Variants in TTLL9 observed in about 807,000 individuals in gnomAD.
TTLL9 encodes the protein probable tubulin polyglutamylase TTLL9.
A neutral mutation model predicts 65.6 loss-of-function variants in TTLL9; 47 were observed. The observed-to-expected ratio is 0.72, with a 90% CI of 0.57 to 0.91. The LOEUF is 0.91. Among genes scored for constraint, TTLL9 ranks in the 40% least tolerant of loss-of-function variants. The probability of loss-of-function intolerance (pLI) is 0.00; values close to 1 mark genes in which losing one functional copy is unlikely to be tolerated. For synonymous variants in TTLL9, 179 were observed against 204.8 expected (o/e 0.87, Z 1.07); for missense variants, 537 against 568.8 (o/e 0.94, Z 0.57).
intron 4 of TTLL9, among the ~76,000 whole-genome samples, chr20:31,906,104 G>A (rs1465723785): frequency 6.6e-6 from 1 of 150,864 alleles, no homozygotes; most frequent in East Asian, 1.9e-4. Flanking sequence ...AGGCCCAACT[G>A]CTTGGCCATT....
chr20:31,873,872 G>T (rs1450438199), intron 2 of TTLL9, among the ~76,000 whole-genome samples: 1 of 141,870 alleles, frequency 7.0e-6, no homozygotes, highest in Non-Finnish European at 1.6e-5. Flanking sequence ...AAGAAAGAAA[G>T]AAAGAAAGAA....
At chr20:31,873,954 C>A (rs1350315142) in intron 2 of TTLL9, among the ~76,000 whole-genome samples, 1 of 152,164 alleles carries the variant, frequency 6.6e-6, no homozygotes, top group Non-Finnish European at 1.5e-5. Context: ...AGCAGCTCTG[C>A]GATCCTAGGC....
chr20:31,883,769 A>AG (rs2063151099), intron 2 of TTLL9, among the ~76,000 whole-genome samples: 1 of 152,084 alleles, frequency 6.6e-6, no homozygotes, highest in East Asian at 1.9e-4. Flanking sequence ...TCAGAAAACC[A>AG]GGGAATAGTA....
At chr20:31,920,007 CA>C in intron 7 of TTLL9, 75 bp downstream of exon 7, 1 of 1,329,974 alleles carries the variant, frequency 7.5e-7, no homozygotes, top group Non-Finnish European at 1.0e-6. Context: ...CTCCTTCCTG[CA>C]ATCAAAGCTC....
chr20:31,874,777 T>C (rs2063014530), intron 2 of TTLL9, among the ~76,000 whole-genome samples: 2 of 152,034 alleles, frequency 1.3e-5, no homozygotes, highest in Admixed American at 1.3e-4. Context: ...ACAAGTGTCA[T>C]TATTAGTGAA....
chr20:31,943,057 T>C lies in TTLL9; in HGVS notation c.*36T>C. On this transcript the variant is annotated 3_prime_UTR_variant, in exon 15 of 15. Transcript: ENST00000535842. The stretch of plus-strand genomic sequence containing the variant: ...CCAGGAGGAAATCAGCCTTAGCAGG[T>C]GCCACCCAGGCCTCCCCCCCACTCC... The C allele has an allele frequency of 6.3e-7, 1 of 1,599,346 alleles. No homozygotes were observed. The highest frequency in any genetic ancestry group is 2.2e-5 in the East Asian group (1 of 44,804).
intron 6 of TTLL9, among the ~76,000 whole-genome samples, chr20:31,912,478 C>T (rs2063670091): frequency 6.6e-6 from 1 of 152,130 alleles, no homozygotes; most frequent in African/African-American, 2.4e-5. Flanking sequence ...CCACCCACCC[C>T]AGAGTATGAT....
At chr20:31,914,132 G>A (rs893940371) in intron 6 of TTLL9, among the ~76,000 whole-genome samples, 2 of 152,242 alleles carry the variant, frequency 1.3e-5, no homozygotes, top group Non-Finnish European at 2.9e-5. Context: ...AAGGCAGGAA[G>A]AGCCACATTT....
At chr20:31,879,119 G>A (rs569640751) in intron 2 of TTLL9, among the ~76,000 whole-genome samples, 5 of 152,188 alleles carry the variant, frequency 3.3e-5, no homozygotes, top group African/African-American at 1.2e-4. Flanking sequence ...TCAGGAGTTC[G>A]AGACCAGCCT....
rs753430232 is a variant in TTLL9, at chr20:31,922,942, T to G, written c.574-21T>G. 12 of 1,481,486 alleles carry G rather than the reference T, an allele frequency of 8.1e-6. No individual in the cohort carries two copies. In the Admixed American group the frequency reaches 1.9e-4, roughly 23 times the overall value. The allele number at this position is 1,481,486 out of a possible 1,614,324, so 91.8% of individuals were successfully genotyped here. A position where few individuals can be genotyped will look rare whatever the true frequency, so the allele number is the denominator to read the frequency against. On this transcript the variant is annotated intron_variant, in intron 7 of 14. Coordinates refer to ENST00000535842, the MANE Select transcript of TTLL9 (RefSeq NM_001008409.5). ...AATGTTCCATAAATAAATGTTCAATTATTATTATTATTACAACTAGGACAC... is the reference window on the plus strand; with the variant it reads ...AATGTTCCATAAATAAATGTTCAATGATTATTATTATTACAACTAGGACAC...
intron 5 of TTLL9, among the ~76,000 whole-genome samples, chr20:31,909,152 T>G (rs1432216396): frequency 2.3e-5 from 3 of 130,902 alleles, no homozygotes; most frequent in Non-Finnish European, 3.2e-5. Flanking sequence ...TTTTTTTTTT[T>G]GAGACAGAGT....
chr20:31,903,797 G>A (rs2063511614), intron 4 of TTLL9, among the ~76,000 whole-genome samples: 1 of 152,202 alleles, frequency 6.6e-6, no homozygotes, highest in Admixed American at 6.5e-5. Flanking sequence ...AGCAGCTTAT[G>A]TAATCACAGT....
intron 11 of TTLL9, chr20:31,934,192 A>G (rs1035800778): frequency 8.1e-6 from 4 of 492,390 alleles, no homozygotes; most frequent in Admixed American, 2.8e-5. Flanking sequence ...CTCTCTGTCT[A>G]TGTAAAATAA....
At chr20:31,933,739 T>A in intron 10 of TTLL9, 61 bp from the exon 11 acceptor site, 10 of 1,549,202 alleles carry the variant, frequency 6.5e-6, no homozygotes, top group Non-Finnish European at 8.9e-6. Flanking sequence ...TCCTGGGGAC[T>A]TCGTGGGGCA....
In TTLL9 at chr20:31,909,928, T is replaced by C; in HGVS notation, c.504+6T>C. ...TCACCTGGATCATGAAGCCTGTGAG[T>C]GCCCAGTGCCAGGGGCTGGGTGGGA... On this transcript the variant is annotated splice_donor_region_variant and intron_variant, in intron 6 of 14. Transcript: ENST00000535842. 9.7e-7 allele frequency: 1 copy of C among 1,028,154 alleles called. No individual in the cohort carries two copies. The allele number at this position is 1,028,154 out of a possible 1,614,324, so 63.7% of individuals were successfully genotyped here. A position where few individuals can be genotyped will look rare whatever the true frequency, so the allele number is the denominator to read the frequency against.
chr20:31,905,578 T>A (rs1280347191), intron 4 of TTLL9, among the ~76,000 whole-genome samples: 2 of 152,172 alleles, frequency 1.3e-5, no homozygotes, highest in Non-Finnish European at 2.9e-5. Flanking sequence ...TCACCACATC[T>A]GTGCACGGTG....
chr20:31,871,530 A>G (rs1269978445), intron 2 of TTLL9, among the ~76,000 whole-genome samples: 1 of 152,154 alleles, frequency 6.6e-6, no homozygotes, highest in Non-Finnish European at 1.5e-5. Flanking sequence ...CTCAATCTAT[A>G]GTAGTAGGTG....
chr20:31,927,363 C>T (rs1242445880), intron 10 of TTLL9, among the ~76,000 whole-genome samples: 1 of 151,520 alleles, frequency 6.6e-6, no homozygotes, highest in Non-Finnish European at 1.5e-5. Context: ...TGCCTGTAAT[C>T]CTAGCTACTA....
At chr20:31,873,680 G>GAA (rs1450909235) in intron 2 of TTLL9, among the ~76,000 whole-genome samples, 8 of 100,324 alleles carry the variant, frequency 8.0e-5, no homozygotes, top group African/African-American at 3.3e-4. Flanking sequence ...AAGAAAGAGA[G>GAA]AGAGAGAAAG....
Sources: gnomAD v4.1 joint callset for allele counts (sites outside exome capture counted in the v4.1 genomes callset) on GRCh38, gnomAD v4.1.1 for gene constraint, MANE v1.5 for transcripts, NCBI Gene and HGNC (gene_info 2026-07-23, HGNC 2026-07-21) for gene names.